The following PRLR variants were observed in gnomAD, a reference collection of about 807,000 sequenced individuals.
The protein encoded by PRLR is hPRL receptor.
PRLR carries 13 observed loss-of-function variants against 40.2 expected under a neutral mutation model. That is an observed-to-expected ratio of 0.32 (90% CI 0.21 to 0.51). PRLR has a LOEUF of 0.51. PRLR is among the 20% of genes least tolerant of loss of function. The probability of loss-of-function intolerance (pLI) is 0.97; values close to 1 mark genes in which losing one functional copy is unlikely to be tolerated. For synonymous variants in PRLR, 269 were observed against 278.7 expected (o/e 0.97, Z 0.35); for missense variants, 656 against 747.3 (o/e 0.88, Z 1.42).
At chr5:35,054,719 T>C (rs1477325789), downstream of PRLR, among the ~76,000 whole-genome samples, 1 of 152,144 alleles carries the variant, frequency 6.6e-6, no homozygotes, top group Non-Finnish European at 1.5e-5. Context: ...GCTGGAGCTA[T>C]TTGTATCTCA....
At chr5:35,228,209 T>C (rs949314675) in intron 1 of PRLR, among the ~76,000 whole-genome samples, 1 of 147,306 alleles carries the variant, frequency 6.8e-6, no homozygotes, top group South Asian at 2.2e-4. Flanking sequence ...ATTCATAGTA[T>C]TTCCATTCTC....
chr5:35,096,970 C>G (rs1771573062), intron 2 of PRLR, among the ~76,000 whole-genome samples: 1 of 152,168 alleles, frequency 6.6e-6, no homozygotes, highest in Non-Finnish European at 1.5e-5. Context: ...CACTAATTGG[C>G]TCAGAATTGA....
At chr5:35,108,534 A>G (rs953921915) in intron 2 of PRLR, among the ~76,000 whole-genome samples, 20 of 152,250 alleles carry the variant, frequency 1.3e-4, no homozygotes, top group African/African-American at 4.6e-4. Context: ...ATACAAAATC[A>G]ATGTGCAAAA....
At chr5:35,066,283 T>A (rs1050410746) in intron 9 of PRLR, among the ~76,000 whole-genome samples, 181 bp from the exon 10 acceptor site, 6 of 152,172 alleles carry the variant, frequency 3.9e-5, no homozygotes, top group African/African-American at 4.8e-5. Context: ...TTTTTTTTTT[T>A]AAAGTCAACT....
chr5:35,083,726 G>A (rs1332403353), intron 5 of PRLR, among the ~76,000 whole-genome samples: 1 of 149,448 alleles, frequency 6.7e-6, no homozygotes, highest in Non-Finnish European at 1.5e-5. Context: ...CACCATGTTG[G>A]TCAGGCTGGT....
At chr5:35,207,922 A>G (rs750138643) in intron 1 of PRLR, among the ~76,000 whole-genome samples, 2 of 152,186 alleles carry the variant, frequency 1.3e-5, no homozygotes, top group Non-Finnish European at 2.9e-5. Context: ...ATTAAACTCA[A>G]AACCAGTGTG....
intron 1 of PRLR, among the ~76,000 whole-genome samples, chr5:35,125,564 T>C (rs1321692264): frequency 6.6e-6 from 1 of 152,248 alleles, no homozygotes; most frequent in Non-Finnish European, 1.5e-5. Context: ...GTTATCTTTG[T>C]CCTGATCTCT....
chr5:35,220,178 T>G (rs1182388117), intron 1 of PRLR, among the ~76,000 whole-genome samples: 1 of 152,188 alleles, frequency 6.6e-6, no homozygotes, highest in Non-Finnish European at 1.5e-5. Context: ...AACCTCCCAA[T>G]GAGTTAGGAT....
chr5:35,224,410 A>G (rs1340872037), intron 1 of PRLR, among the ~76,000 whole-genome samples: 1 of 152,232 alleles, frequency 6.6e-6, no homozygotes, highest in East Asian at 1.9e-4. Flanking sequence ...TATACAGACT[A>G]GAGAAAGAAC....
At chr5:35,152,067 CT>C (rs1774359111) in intron 1 of PRLR, among the ~76,000 whole-genome samples, 1 of 152,138 alleles carries the variant, frequency 6.6e-6, no homozygotes, top group Non-Finnish European at 1.5e-5. Context: ...ATGAAAAATA[CT>C]ATTTTCAGTT....
chr5:35,095,723 T>C (rs1410428585), intron 2 of PRLR, among the ~76,000 whole-genome samples: 1 of 152,248 alleles, frequency 6.6e-6, no homozygotes, highest in East Asian at 1.9e-4. Context: ...ATCACCATTA[T>C]CCAGTTTACA....
At chr5:35,230,104 G>A (rs1776660769) in intron 1 of PRLR, among the ~76,000 whole-genome samples, 164 bp downstream of exon 1, 1 of 152,170 alleles carries the variant, frequency 6.6e-6, no homozygotes, top group East Asian at 1.9e-4. Context: ...CCCGCCGGCT[G>A]CCGACTCTGG....
intron 6 of PRLR, among the ~76,000 whole-genome samples, chr5:35,071,891 A>G (rs1286649656): frequency 1.4e-5 from 2 of 143,820 alleles, no homozygotes; most frequent in Non-Finnish European, 3.0e-5. Context: ...TGAGCCCCTG[A>G]GCCCAGCCTT....
At chr5:35,089,028 AG>A (rs1164197948) in intron 3 of PRLR, among the ~76,000 whole-genome samples, 3 of 152,244 alleles carry the variant, frequency 2.0e-5, no homozygotes, top group Non-Finnish European at 4.4e-5. Context: ...GTATAGTCAC[AG>A]GCACCCACCC....
At chr5:35,202,432 A>G (rs1775905803) in intron 1 of PRLR, among the ~76,000 whole-genome samples, 2 of 152,100 alleles carry the variant, frequency 1.3e-5, no homozygotes, top group South Asian at 2.1e-4. Context: ...ACTATTTGCA[A>G]TTGCCCAAAA....
At chr5:35,067,575 T>C (rs2112380761) in intron 9 of PRLR, among the ~76,000 whole-genome samples, 1 of 152,348 alleles carries the variant, frequency 6.6e-6, no homozygotes, top group Non-Finnish European at 1.5e-5. Context: ...GTACAGCTAG[T>C]TGCTTTTATA....
intron 1 of PRLR, among the ~76,000 whole-genome samples, chr5:35,202,325 G>A (rs186380446): frequency 2.0e-5 from 3 of 152,144 alleles, no homozygotes; most frequent in South Asian, 2.1e-4. Flanking sequence ...GGATCAAACC[G>A]TTCAGCACAG....
intron 1 of PRLR, among the ~76,000 whole-genome samples, chr5:35,194,196 G>A (rs1377339753): frequency 6.6e-6 from 1 of 152,160 alleles, no homozygotes; most frequent in Non-Finnish European, 1.5e-5. Flanking sequence ...GACTTTGAAG[G>A]TTTCATTGGT....
At chr5:35,049,453 G>A (rs1338577270) in intron 8 of PRLR, 4 of 699,012 alleles carry the variant, frequency 5.7e-6, no homozygotes, top group Non-Finnish European at 1.0e-5. Flanking sequence ...AACTTCTAGA[G>A]GGAAAGTGGG....
Sources: gnomAD v4.1 joint callset for allele counts (sites outside exome capture counted in the v4.1 genomes callset) on GRCh38, gnomAD v4.1.1 for gene constraint, MANE v1.5 for transcripts, NCBI Gene and HGNC (gene_info 2026-07-23, HGNC 2026-07-21) for gene names.